Variants in KDM4C observed in about 807,000 individuals in gnomAD.
The protein encoded by KDM4C is lysine demethylase 4C, also known as lysine-specific demethylase 4C.
A neutral mutation model predicts 129.3 loss-of-function variants in KDM4C; 81 were observed. The observed-to-expected ratio is 0.63, with a 90% CI of 0.52 to 0.75. KDM4C has a LOEUF of 0.75. KDM4C is among the 30% of genes least tolerant of loss of function. The pLI is 0.00. For missense variants in KDM4C, 1,457 were observed against 1,304.0 expected, an observed-to-expected ratio of 1.12 and a Z score of -1.81; for synonymous variants, 573 against 456.1, an observed-to-expected ratio of 1.26 and a Z score of -3.26.
At chr9:6,796,370 G>A (rs922407889) in intron 2 of KDM4C, among the ~76,000 whole-genome samples, 5 of 152,156 alleles carry the variant, frequency 3.3e-5, no homozygotes, top group African/African-American at 7.2e-5. Context: ...ACTTGAACCC[G>A]GGAGGTGGAG....
chr9:6,854,223 A>G (rs891062143), intron 5 of KDM4C, among the ~76,000 whole-genome samples: 1 of 152,088 alleles, frequency 6.6e-6, no homozygotes, highest in African/African-American at 2.4e-5. Flanking sequence ...GACTGGGTAC[A>G]AACAAAATGA....
intron 8 of KDM4C, among the ~76,000 whole-genome samples, chr9:6,979,427 T>C (rs1816376335): frequency 6.6e-6 from 1 of 152,112 alleles, no homozygotes; most frequent in African/African-American, 2.4e-5. Context: ...AATACTGAAG[T>C]AAATGAAGCA....
chr9:7,068,682 CTTTCTTTT>C (rs1411375543), intron 17 of KDM4C, among the ~76,000 whole-genome samples: 2 of 88,534 alleles, frequency 2.3e-5, no homozygotes, highest in African/African-American at 8.9e-5. Flanking sequence ...TTATGATGCC[CTTTCTTTT>C]TTTTTTTTTT....
chr9:7,158,806 G>A (rs1011099771), intron 19 of KDM4C, among the ~76,000 whole-genome samples: 10 of 152,108 alleles, frequency 6.6e-5, no homozygotes, highest in Non-Finnish European at 1.2e-4. Context: ...GTTGGGAAGA[G>A]TGTATATTCT....
intron 3 of KDM4C, among the ~76,000 whole-genome samples, chr9:6,807,672 G>T (rs1830278672): frequency 6.7e-6 from 1 of 148,680 alleles, no homozygotes; most frequent in Non-Finnish European, 1.5e-5. Context: ...GAAGTGAGGA[G>T]CCCATCCGCC....
At chr9:6,932,327 G>A (rs902890043) in intron 8 of KDM4C, among the ~76,000 whole-genome samples, 3 of 152,172 alleles carry the variant, frequency 2.0e-5, no homozygotes, top group African/African-American at 4.8e-5. Flanking sequence ...GGGATTATTA[G>A]TTTCAATTAG....
intron 4 of KDM4C, among the ~76,000 whole-genome samples, chr9:6,816,649 T>C (rs1832150262): frequency 6.6e-6 from 1 of 152,226 alleles, no homozygotes; most frequent in African/African-American, 2.4e-5. Flanking sequence ...TAGCAATGTT[T>C]TCAAGTTTCC....
chr9:7,114,089 C>G (rs1838632957), intron 18 of KDM4C, among the ~76,000 whole-genome samples: 1 of 152,106 alleles, frequency 6.6e-6, no homozygotes, highest in South Asian at 2.1e-4. Flanking sequence ...TTAATACCAG[C>G]AATTTCATAT....
chr9:6,906,553 C>G (rs555780086), intron 8 of KDM4C, among the ~76,000 whole-genome samples: 1 of 152,336 alleles, frequency 6.6e-6, no homozygotes, highest in South Asian at 2.1e-4. Flanking sequence ...GTGCTCCCAC[C>G]TCAGCCTCCT....
At chr9:6,963,924 G>A (rs1331190133) in intron 8 of KDM4C, among the ~76,000 whole-genome samples, 1 of 152,166 alleles carries the variant, frequency 6.6e-6, no homozygotes, top group African/African-American at 2.4e-5. Context: ...ATTCAGTGCA[G>A]AGGAGTATTT....
At chr9:7,116,421 T>TGTGG (rs58661389) in intron 18 of KDM4C, among the ~76,000 whole-genome samples, 1 of 152,098 alleles carries the variant, frequency 6.6e-6, no homozygotes, top group African/African-American at 2.4e-5. Context: ...ATTGAGGTTA[T>TGTGG]ATGGACCTTA....
chr9:6,983,360 C>G (rs1586694922), intron 9 of KDM4C, among the ~76,000 whole-genome samples: 1 of 152,220 alleles, frequency 6.6e-6, no homozygotes, highest in African/African-American at 2.4e-5. Context: ...CCAAAGCTAT[C>G]AAGTGACCTG....
intron 17 of KDM4C, among the ~76,000 whole-genome samples, chr9:7,070,571 A>G (rs186802425): frequency 9.8e-5 from 15 of 152,312 alleles, no homozygotes; most frequent in South Asian, 8.3e-4. Flanking sequence ...TTTAAAATCA[A>G]TCAATGTAAT....
intron 5 of KDM4C, among the ~76,000 whole-genome samples, chr9:6,857,476 C>G (rs1291313570): frequency 6.6e-6 from 1 of 152,152 alleles, no homozygotes; most frequent in Non-Finnish European, 1.5e-5. Flanking sequence ...CTAGCACACA[C>G]CCACTTGCTT....
chr9:7,111,445 C>G (rs1838305553), intron 18 of KDM4C, among the ~76,000 whole-genome samples: 1 of 151,992 alleles, frequency 6.6e-6, no homozygotes, highest in Non-Finnish European at 1.5e-5. Context: ...AGATGTGCAA[C>G]CTGTACTATT....
At chr9:7,048,217 A>G (rs879469945) in intron 16 of KDM4C, among the ~76,000 whole-genome samples, 2 of 152,020 alleles carry the variant, frequency 1.3e-5, no homozygotes, top group Admixed American at 6.6e-5. Context: ...GACCACAACA[A>G]AAAGAAATAG....
intron 4 of KDM4C, among the ~76,000 whole-genome samples, chr9:6,840,185 A>G (rs186873175): frequency 4.0e-5 from 6 of 149,766 alleles, no homozygotes; most frequent in Admixed American, 1.3e-4. Flanking sequence ...TGCTCTTTCT[A>G]CCTCAGCCTC....
chr9:7,072,003 C>T (rs1022424309), intron 17 of KDM4C, among the ~76,000 whole-genome samples: 1 of 152,152 alleles, frequency 6.6e-6, no homozygotes, highest in Non-Finnish European at 1.5e-5. Flanking sequence ...AAAATTTTAT[C>T]TTACACTTCA....
intron 8 of KDM4C, among the ~76,000 whole-genome samples, chr9:6,948,860 A>G (rs1374868654): frequency 2.6e-5 from 4 of 152,192 alleles, no homozygotes; most frequent in Non-Finnish European, 4.4e-5. Flanking sequence ...ACAGAACAAA[A>G]TGGAGTCTCC....
Sources: allele counts gnomAD v4.1 joint callset (sites outside exome capture counted in the v4.1 genomes callset), GRCh38; gene constraint gnomAD v4.1.1; transcripts MANE v1.5; gene names NCBI Gene and HGNC (gene_info 2026-07-23, HGNC 2026-07-21).